Variants in HEATR4 observed in about 807,000 individuals in gnomAD.
HEATR4 encodes HEAT repeat containing 4, also known as HEAT repeat-containing protein 4.
In HEATR4, 95 loss-of-function variants were observed where a neutral mutation model predicts 108.8. The observed-to-expected ratio is 0.87, with a 90% confidence interval of 0.74 to 1.04. The LOEUF (loss-of-function observed/expected upper bound fraction) is 1.04. Among genes scored for constraint, HEATR4 ranks in the 50% least tolerant of loss-of-function variants. The probability of loss-of-function intolerance (pLI) is 0.00; values close to 1 mark genes in which losing one functional copy is unlikely to be tolerated. For synonymous variants in HEATR4, 443 were observed against 459.4 expected (o/e 0.96, Z 0.46); for missense variants, 1,152 against 1,253.8 (o/e 0.92, Z 1.23).
chr14:73,556,466 C>T (rs1889397060), intron 1 of HEATR4, among the ~76,000 whole-genome samples: 1 of 112,190 alleles, frequency 8.9e-6, no homozygotes, highest in Non-Finnish European at 1.9e-5. Context: ...TAGTTATTAT[C>T]ATCCGATATG....
At chr14:73,564,785 G>A in the HEATR4 span, among the ~76,000 whole-genome samples, 1,651 of 120,428 alleles carry the variant, frequency 0.014, 31 homozygotes, top group African/African-American at 0.05. Flanking sequence ...AGCTGGTATC[G>A]AACTCCTCCT....
chr14:73,491,168 G>A, intron 17 of HEATR4: 1 of 1,602,812 alleles, frequency 6.2e-7, no homozygotes. Flanking sequence ...ATCCCGCATG[G>A]CAGCGCTGAG....
At chr14:73,525,144 T>A (rs1210898559) in intron 2 of HEATR4, among the ~76,000 whole-genome samples, 1 of 152,104 alleles carries the variant, frequency 6.6e-6, no homozygotes, top group Non-Finnish European at 1.5e-5. Flanking sequence ...ATCCTCCTAC[T>A]TCAGCCTCCC....
chr14:73,550,153 G>T (rs1404295816), intron 1 of HEATR4, among the ~76,000 whole-genome samples: 2 of 113,178 alleles, frequency 1.8e-5, no homozygotes, highest in Non-Finnish European at 3.8e-5. Flanking sequence ...ATAACAACTG[G>T]AACATTATAA....
At chr14:73,485,869 A>C (rs981751009) in intron 17 of HEATR4, among the ~76,000 whole-genome samples, 2 of 10,644 alleles carry the variant, frequency 1.9e-4, no homozygotes. Context: ...ACTCTGTCTC[A>C]AAAAAAAAAA....
chr14:73,566,485 A>G, the HEATR4 span, among the ~76,000 whole-genome samples: 1 of 152,150 alleles, frequency 6.6e-6, no homozygotes, highest in Non-Finnish European at 1.5e-5. Flanking sequence ...TCCCGTGGGA[A>G]GGCAGCTAAG....
Position 73,553,896 on chromosome 14 carries a change from A to T in HEATR4, c.-152+4855T>A, listed in dbSNP as rs1889361650. Among the ~76,000 whole-genome samples, 2 of 115,568 alleles carry T rather than the reference A, an allele frequency of 1.7e-5. 1 individual carries two copies. Among genetic ancestry groups the T allele is most frequent in the South Asian group, 5.4e-4 (2 of 3,680 alleles). The allele number at this position is 115,568 out of a possible 152,430, so 75.8% of individuals were successfully genotyped here. The stretch of plus-strand genomic sequence containing the variant: ...CCTGTGCTAAAGTTTCACCCAACCT[A>T]AACTGAAGTGTTACCTGGCCTTCTG... On this transcript the variant is annotated intron_variant, in intron 1 of 17. Transcript: ENST00000553558.
At chr14:73,564,672 T>G in the HEATR4 span, among the ~76,000 whole-genome samples, 1 of 151,644 alleles carries the variant, frequency 6.6e-6, no homozygotes, top group African/African-American at 2.4e-5. Context: ...AAACAACAGT[T>G]TGAAATAGTT....
intron 17 of HEATR4, among the ~76,000 whole-genome samples, chr14:73,482,743 G>A (rs958390876): frequency 3.9e-5 from 6 of 152,012 alleles, no homozygotes; most frequent in African/African-American, 1.2e-4. Context: ...CATAACCTCC[G>A]CCTTCCAAAT....
In HEATR4 at chr14:73,544,443, T is replaced by G. The variant is rs1194634587; in HGVS notation, c.-151-14199A>C. 1.0e-4 allele frequency among the ~76,000 whole-genome samples: 12 copies of G among 115,960 alleles called. 3 individuals carry two copies. Among genetic ancestry groups the G allele is most frequent in the African/African-American group, 3.4e-4 (12 of 35,762 alleles). The allele number at this position is 115,960 out of a possible 152,430, so 76.1% of individuals were successfully genotyped here. Reference sequence around the variant, plus strand: ...ACTGATTACTAGTTAGATATAAAACTACTAAAACTTTTCAAAACCAATACA... The same window carrying G: ...ACTGATTACTAGTTAGATATAAAACGACTAAAACTTTTCAAAACCAATACA... On this transcript the variant is annotated intron_variant, in intron 1 of 17. Coordinates refer to ENST00000553558, the MANE Select transcript of HEATR4 (RefSeq NM_001220484.1).
At chr14:73,508,331 ATG>A in intron 8 of HEATR4, 37 bp from the exon 9 acceptor site, 1 of 1,604,826 alleles carries the variant, frequency 6.2e-7, no homozygotes, top group Non-Finnish European at 8.5e-7. Context: ...CAGAATGGTG[ATG>A]TGTTTTCCCC....
rs1230567256 is a variant in HEATR4 at position 73,508,153 on chromosome 14, C to T, written c.1862G>A (p.Ser621Asn). The T allele has an allele frequency of 2.5e-6, 4 of 1,614,028 alleles. No homozygotes were observed. Among genetic ancestry groups the T allele is most frequent in the Non-Finnish European group, 3.4e-6 (4 of 1,179,996 alleles). The change falls in exon 9 of 18, where the codon AGC (serine) becomes AAC (asparagine). Residue 621 changes from serine (S) to asparagine (N), a missense_variant. Coordinates refer to ENST00000553558, the MANE Select transcript of HEATR4 (RefSeq NM_001220484.1). ...DTEEQSYILL[S>N]YLSEKTTLIH... The stretch of plus-strand genomic sequence containing the variant: ...ACATACTGTCTTCTCACTCAGATAG[C>T]TCAGGAGGATATAAGACTGTTCCTC...
chr14:73,628,477 G>A, the HEATR4 span, among the ~76,000 whole-genome samples: 2,162 of 152,112 alleles, frequency 0.014, 52 homozygotes, highest in African/African-American at 0.049. Flanking sequence ...ACAGCCTCTG[G>A]GTGTGGTGGC....
the HEATR4 span, among the ~76,000 whole-genome samples, chr14:73,597,533 T>A: frequency 2.6e-5 from 4 of 151,652 alleles, no homozygotes; most frequent in Non-Finnish European, 5.9e-5. Context: ...TATAGGCATG[T>A]GCCAGCACGC....
At chr14:73,567,049 C>T in the HEATR4 span, among the ~76,000 whole-genome samples, 14 of 152,012 alleles carry the variant, frequency 9.2e-5, no homozygotes, top group Non-Finnish European at 1.5e-4. Context: ...CCTCATGATC[C>T]ACCCGCCTCA....
chr14:73,583,193 T>TTAGCCGAG, the HEATR4 span, among the ~76,000 whole-genome samples: 1 of 151,898 alleles, frequency 6.6e-6, no homozygotes, highest in Non-Finnish European at 1.5e-5. Flanking sequence ...AATACAAAAA[T>TTAGCCGAG]TAGCCGAGTG....
At chr14:73,512,794 A>G (rs111315434) in intron 6 of HEATR4, among the ~76,000 whole-genome samples, 30 of 152,252 alleles carry the variant, frequency 2.0e-4, no homozygotes, top group African/African-American at 7.0e-4. Context: ...CAAAGCTCCT[A>G]TTATCTGTAG....
chr14:73,520,788 CA>C, intron 4 of HEATR4, 63 bp downstream of exon 4: 1 of 1,450,878 alleles, frequency 6.9e-7, no homozygotes, highest in Non-Finnish European at 9.5e-7. Flanking sequence ...CAGCCCCCAG[CA>C]ATCTTCCACC....
In HEATR4 at chr14:73,557,875, T is replaced by G. The variant is rs1379968564; in HGVS notation, c.-152+876A>C. Among the ~76,000 whole-genome samples the G allele has an allele frequency of 2.3e-4, 21 of 93,048 alleles. 4 individuals are homozygous for G. The highest frequency in any genetic ancestry group is 7.4e-4 in the African/African-American group (21 of 28,430). The allele number at this position is 93,048 out of a possible 152,430, so 61.0% of individuals were successfully genotyped here. A position where few individuals can be genotyped will look rare whatever the true frequency, so the allele number is the denominator to read the frequency against. On this transcript the variant is annotated intron_variant, in intron 1 of 17. Coordinates refer to ENST00000553558, the MANE Select transcript of HEATR4 (RefSeq NM_001220484.1). Reference sequence around the variant, plus strand: ...TGGCTAATGTTTTAAAACTTTTTTTTGTAGAGACAGGGTCTTACTATGTTG... The same window carrying G: ...TGGCTAATGTTTTAAAACTTTTTTTGGTAGAGACAGGGTCTTACTATGTTG...
Sources: allele counts gnomAD v4.1 joint callset (sites outside exome capture counted in the v4.1 genomes callset), GRCh38; gene constraint gnomAD v4.1.1; transcripts MANE v1.5; gene names NCBI Gene and HGNC (gene_info 2026-07-23, HGNC 2026-07-21).